The following PPAT variants were observed in gnomAD, a reference collection of about 807,000 sequenced individuals.
The protein encoded by PPAT is amidophosphoribosyltransferase.
Under a neutral mutation model 60.2 loss-of-function variants are expected in PPAT, and 20 were observed. The observed-to-expected ratio is 0.33, with a 90% confidence interval of 0.23 to 0.48. The LOEUF (loss-of-function observed/expected upper bound fraction) is 0.48. Ranked by LOEUF, PPAT falls within the 20% of genes least tolerant of loss-of-function variation. PPAT has a pLI of 0.99. For missense variants in PPAT, 349 were observed against 629.6 expected, an observed-to-expected ratio of 0.55 and a Z score of 4.77; for synonymous variants, 194 against 215.1, an observed-to-expected ratio of 0.90 and a Z score of 0.86.
chr4:56,416,069 CAA>C (rs34117895), intron 1 of PPAT, among the ~76,000 whole-genome samples: 95,365 of 139,276 alleles, frequency 0.68, 31,559 homozygotes, highest in South Asian at 0.76. Flanking sequence ...GACTCTGTCT[CAA>C]AAAAAAAAAA....
chr4:56,410,992 GTGGCCA>G lies in PPAT; in HGVS notation c.129-3282_129-3277del, dbSNP rs1272743706. 1.1e-5 allele frequency: 9 copies of G among 833,412 alleles called. No homozygotes were observed. In the African/African-American group the frequency reaches 1.3e-4, roughly 12 times the overall value. The allele number at this position is 833,412 out of a possible 1,614,324, so 51.6% of individuals were successfully genotyped here. On this transcript the variant is annotated intron_variant, in intron 1 of 10. Transcript: ENST00000264220. Reference sequence around the variant, plus strand: ...TGAACTGTAAAAGTTCAGGACTTCTGTGGCCATATGATAAATATAGACTGAAATATC... The same window carrying G: ...TGAACTGTAAAAGTTCAGGACTTCTGTATGATAAATATAGACTGAAATATC...
chr4:56,433,212 CCTT>C (rs1404928325), intron 1 of PPAT, among the ~76,000 whole-genome samples: 1 of 151,668 alleles, frequency 6.6e-6, no homozygotes, highest in Non-Finnish European at 1.5e-5. Context: ...TCTTTGTGCA[CCTT>C]AATGATTCTA....
intron 1 of PPAT, among the ~76,000 whole-genome samples, chr4:56,413,635 C>T (rs1180883079): frequency 1.3e-5 from 2 of 152,118 alleles, no homozygotes; most frequent in African/African-American, 2.4e-5. Flanking sequence ...GTGGCTCATG[C>T]CTGTAATCCC....
chr4:56,432,265 C>T (rs768970920), intron 1 of PPAT, among the ~76,000 whole-genome samples: 2 of 152,100 alleles, frequency 1.3e-5, no homozygotes, highest in Non-Finnish European at 2.9e-5. Flanking sequence ...TGGTGGCTCA[C>T]GCCTGTAATC....
intron 8 of PPAT, chr4:56,400,157 C>G (rs1428010566): frequency 6.6e-6 from 1 of 152,466 alleles, no homozygotes; most frequent in Non-Finnish European, 1.5e-5. Context: ...CCTGGGACAG[C>G]AAGTCCAGCC....
chr4:56,432,293 C>T (rs1266913328), intron 1 of PPAT, among the ~76,000 whole-genome samples: 2 of 151,942 alleles, frequency 1.3e-5, no homozygotes, highest in African/African-American at 4.8e-5. Flanking sequence ...TTTGGGAGAC[C>T]GAAGAGGGTG....
Position 56,435,571 on chromosome 4 carries a change from G to T in PPAT, c.-94C>A. 1 of 1,591,942 alleles carries T rather than the reference G, an allele frequency of 6.3e-7. No individual in the cohort carries two copies. The highest frequency in any genetic ancestry group is 8.6e-7 in the Non-Finnish European group (1 of 1,167,200). Reference sequence around the variant, plus strand: ...CTCGGCCCGTCGAGCTCAGAAGCTCGCGCTCGCGACAGGCTCTTCCTTCCC... The same window carrying T: ...CTCGGCCCGTCGAGCTCAGAAGCTCTCGCTCGCGACAGGCTCTTCCTTCCC... On this transcript the variant is annotated 5_prime_UTR_variant, in exon 1 of 11. Coordinates refer to ENST00000264220, the MANE Select transcript of PPAT (RefSeq NM_002703.5).
At chr4:56,432,687 A>C (rs1439675152) in intron 1 of PPAT, among the ~76,000 whole-genome samples, 1 of 151,270 alleles carries the variant, frequency 6.6e-6, no homozygotes, top group Non-Finnish European at 1.5e-5. Context: ...CGGGAGGCTG[A>C]GGCAGGAGAA....
chr4:56,415,813 A>T (rs1716700220), intron 1 of PPAT, among the ~76,000 whole-genome samples: 1 of 152,184 alleles, frequency 6.6e-6, no homozygotes, highest in South Asian at 2.1e-4. Context: ...ACAGTGGCTC[A>T]CACCTGTAAT....
chr4:56,435,267 G>A, intron 1 of PPAT, 83 bp downstream of exon 1: 1 of 1,584,186 alleles, frequency 6.3e-7, no homozygotes, highest in Non-Finnish European at 8.6e-7. Context: ...CGGGCCCTCG[G>A]GCGCTCATGA....
At chr4:56,426,584 G>A (rs190443773) in intron 1 of PPAT, among the ~76,000 whole-genome samples, 5 of 152,128 alleles carry the variant, frequency 3.3e-5, no homozygotes, top group Admixed American at 2.6e-4. Flanking sequence ...GTTCATCCAC[G>A]TTGTAGCATA....
Position 56,404,522 on chromosome 4 carries a change from C to G in PPAT, c.403-1121G>C, listed in dbSNP as rs531775977. 2.0e-5 allele frequency among the ~76,000 whole-genome samples: 3 copies of G among 152,264 alleles called. No homozygotes were observed. The South Asian group carries it at 6.2e-4, about 32-fold the overall frequency. On this transcript the variant is annotated intron_variant, in intron 3 of 10. Coordinates refer to ENST00000264220, the MANE Select transcript of PPAT (RefSeq NM_002703.5). Reference sequence around the variant, plus strand: ...CCCCATGGACATGCACAGATTGAGTCTGAATGGGCACTACAGAACATTTTC... The same window carrying G: ...CCCCATGGACATGCACAGATTGAGTGTGAATGGGCACTACAGAACATTTTC...
chr4:56,395,220 C>T lies in PPAT; in HGVS notation c.*132G>A. 3.7e-6 allele frequency: 3 copies of T among 804,460 alleles called. No individual in the cohort carries two copies. Among genetic ancestry groups the T allele is most frequent in the African/African-American group, 1.9e-5 (1 of 51,362 alleles). 49.8% of individuals were successfully genotyped at this position (804,460 alleles called of 1,614,324 possible). On this transcript the variant is annotated 3_prime_UTR_variant, in exon 11 of 11. Transcript: ENST00000264220. ...TATCCTTTTCAGAAAAAAAAAAAAT[C>T]TCAAAACTTATAAACATAAGCATGG...
At chr4:56,423,922 G>A (rs940258026) in intron 1 of PPAT, among the ~76,000 whole-genome samples, 1 of 152,164 alleles carries the variant, frequency 6.6e-6, no homozygotes, top group Non-Finnish European at 1.5e-5. Context: ...CTCTTAGGAA[G>A]AATGTAATAG....
At chr4:56,416,025 A>T (rs1000466178) in intron 1 of PPAT, among the ~76,000 whole-genome samples, 1 of 151,184 alleles carries the variant, frequency 6.6e-6, no homozygotes, top group Non-Finnish European at 1.5e-5. Flanking sequence ...AGCCGAGATC[A>T]CACCACTGCA....
rs1038341242 is a variant in PPAT at position 56,407,971 on chromosome 4, G to T, written c.129-255C>A. ...CAGGCAGTCTGTCCTAGCATTTTAC[G>T]TTGTAAAAATAAATAATTTAAAAGC... is the stretch of plus-strand genomic sequence containing the variant. On this transcript the variant is annotated intron_variant, in intron 1 of 10. Transcript: ENST00000264220. The T allele has an allele frequency of 1.1e-5, 4 of 353,800 alleles. No homozygotes were observed. In the East Asian group the frequency reaches 1.8e-4, roughly 16 times the overall value. The allele number at this position is 353,800 out of a possible 1,614,324, so 21.9% of individuals were successfully genotyped here. A position where few individuals can be genotyped will look rare whatever the true frequency, so the allele number is the denominator to read the frequency against.
At chr4:56,407,526 C>T in intron 2 of PPAT, 124 bp downstream of exon 2, 1 of 692,532 alleles carries the variant, frequency 1.4e-6, no homozygotes, top group Middle Eastern at 2.5e-4. Context: ...CCATGTTGGT[C>T]AGGCTGGTCT....
intron 8 of PPAT, chr4:56,400,091 T>A (rs1716076427): frequency 6.6e-6 from 1 of 152,236 alleles, no homozygotes; most frequent in Admixed American, 6.5e-5. Context: ...ATGAACACCA[T>A]GGGTTTGAAG....
At chr4:56,416,636 AT>A (rs1716764689) in intron 1 of PPAT, among the ~76,000 whole-genome samples, 1 of 152,328 alleles carries the variant, frequency 6.6e-6, no homozygotes, top group African/African-American at 2.4e-5. Context: ...TTTCCTAGAA[AT>A]ATTGGTTCTC....
Sources: gnomAD v4.1 joint callset for allele counts (sites outside exome capture counted in the v4.1 genomes callset) on GRCh38, gnomAD v4.1.1 for gene constraint, MANE v1.5 for transcripts, NCBI Gene and HGNC (gene_info 2026-07-23, HGNC 2026-07-21) for gene names.